Variants in ARFGEF1 observed in about 807,000 individuals in gnomAD.
The protein encoded by ARFGEF1 is brefeldin A-inhibited guanine nucleotide-exchange protein 1.
In ARFGEF1, 42 loss-of-function variants were observed where a neutral mutation model predicts 231.0. That is an observed-to-expected ratio of 0.18 (90% CI 0.14 to 0.24). The LOEUF (loss-of-function observed/expected upper bound fraction) is 0.24. Ranked by LOEUF, ARFGEF1 falls within the 10% of genes least tolerant of loss-of-function variation. The pLI is 1.00. For synonymous variants in ARFGEF1, 710 were observed against 732.3 expected (o/e 0.97, Z 0.49); for missense variants, 1,345 against 2,192.0 (o/e 0.61, Z 7.72).
At chr8:67,219,279 T>C (rs1277910681) in intron 30 of ARFGEF1, 152 bp downstream of exon 30, 38 of 867,810 alleles carry the variant, frequency 4.4e-5, no homozygotes, top group Middle Eastern at 3.7e-4. Flanking sequence ...TGTTCTTATT[T>C]ATAAAGACAT....
chr8:67,195,701 C>CCAT (rs1185226032), downstream of ARFGEF1: 10 of 781,244 alleles, frequency 1.3e-5, no homozygotes, highest in Non-Finnish European at 1.9e-5. Context: ...TACTTTTTTT[C>CCAT]CATCATCTGT....
intron 35 of ARFGEF1, among the ~76,000 whole-genome samples, chr8:67,203,913 C>T (rs1049300774): frequency 2.6e-5 from 4 of 152,194 alleles, no homozygotes; most frequent in Non-Finnish European, 5.9e-5. Context: ...ACTGTCTGGG[C>T]TTCTACCCCA....
rs1839882798 is a variant in ARFGEF1, at chr8:67,240,011, A to G, written c.2979+151T>C. The G allele has an allele frequency of 5.7e-6, 6 of 1,057,548 alleles. No individual in the cohort carries two copies. The East Asian group carries it at 1.7e-4, about 30-fold the overall frequency. The allele number at this position is 1,057,548 out of a possible 1,614,324, so 65.5% of individuals were successfully genotyped here. ...TACCCCTTCTATAACAGCTTCTCAG[A>G]AGCTTAAACATTAAGATTCATTTAA... On this transcript the variant is annotated intron_variant, in intron 20 of 38. Coordinates refer to ENST00000262215, the MANE Select transcript of ARFGEF1 (RefSeq NM_006421.5).
At chr8:67,342,299 G>A (rs567492158) in intron 1 of ARFGEF1, among the ~76,000 whole-genome samples, 1 of 152,124 alleles carries the variant, frequency 6.6e-6, no homozygotes, top group South Asian at 2.1e-4. Context: ...AACCTCATAG[G>A]TAGGAGGTAT....
In ARFGEF1 at chr8:67,343,355, A is replaced by T; in HGVS notation, c.-68T>A. The stretch of plus-strand genomic sequence containing the variant: ...CCAGCGGCTGGAGGGGAGGAGGAGG[A>T]GAGGAAGGAAGAGAAGAGAGAAAGG... On this transcript the variant is annotated 5_prime_UTR_variant, in exon 1 of 39. Transcript: ENST00000262215. The T allele has an allele frequency of 6.6e-7, 1 of 1,523,440 alleles. No individual in the cohort carries two copies. Among genetic ancestry groups the T allele is most frequent in the Non-Finnish European group, 8.9e-7 (1 of 1,127,730 alleles). 94.4% of individuals were successfully genotyped at this position (1,523,440 alleles called of 1,614,324 possible).
chr8:67,292,263 A>G (rs987122406), intron 5 of ARFGEF1, 140 bp from the exon 6 acceptor site: 10 of 721,982 alleles, frequency 1.4e-5, no homozygotes, highest in Non-Finnish European at 2.0e-5. Context: ...AATGGAGAAC[A>G]TAAACTATAC....
intron 34 of ARFGEF1, among the ~76,000 whole-genome samples, chr8:67,210,091 C>T (rs1838673748): frequency 7.0e-6 from 1 of 143,426 alleles, no homozygotes; most frequent in Non-Finnish European, 1.5e-5. Flanking sequence ...GGAGGTGGAG[C>T]TTGCCGTGAG....
At position 67,203,070 on chromosome 8, in the gene ARFGEF1, G is replaced by A. The variant is rs781295671; in HGVS notation, c.5128+13C>T. On this transcript the variant is annotated intron_variant, in intron 36 of 38. Transcript: ENST00000262215. ...CAACAGTAAACATTAAATGTGAGGC[G>A]TGTGCAGCTTACCTGCTTTCCACAG... 7.5e-6 allele frequency: 12 copies of A among 1,607,824 alleles called. No homozygotes were observed. Among genetic ancestry groups the A allele is most frequent in the South Asian group, 2.2e-5 (2 of 90,054 alleles).
At chr8:67,301,497 T>A (rs1324691680) in intron 2 of ARFGEF1, 117 bp from the exon 3 acceptor site, 8 of 1,108,104 alleles carry the variant, frequency 7.2e-6, no homozygotes, top group African/African-American at 1.6e-5. Flanking sequence ...CAGTCCTCTA[T>A]CTTCCCATAT....
intron 34 of ARFGEF1, among the ~76,000 whole-genome samples, chr8:67,209,868 T>C (rs996415093): frequency 1.3e-5 from 2 of 151,838 alleles, no homozygotes; most frequent in Non-Finnish European, 2.9e-5. Context: ...AGTAGGGTGC[T>C]CCTGCCGGGC....
In ARFGEF1 at chr8:67,240,420, T is replaced by C. The variant is rs933483322; in HGVS notation, c.2851-130A>G. ...TTGGCAGTTATCTAGAAAGCTTTCT[T>C]AAACAAAGGGGGAAAACTATATAAT... is the stretch of plus-strand genomic sequence containing the variant. On this transcript the variant is annotated intron_variant, in intron 19 of 38. Transcript: ENST00000262215. The C allele has an allele frequency of 1.3e-5, 11 of 873,758 alleles. No individual in the cohort carries two copies. In the Admixed American group the frequency reaches 3.4e-4, roughly 27 times the overall value. The allele number at this position is 873,758 out of a possible 1,614,324, so 54.1% of individuals were successfully genotyped here.
At chr8:67,300,306 A>G (rs1416925540) in intron 3 of ARFGEF1, among the ~76,000 whole-genome samples, 1 of 152,226 alleles carries the variant, frequency 6.6e-6, no homozygotes, top group Non-Finnish European at 1.5e-5. Flanking sequence ...AGTTGAATAC[A>G]TATAATTCCC....
intron 1 of ARFGEF1, among the ~76,000 whole-genome samples, chr8:67,334,090 C>G (rs1388256678): frequency 1.4e-5 from 2 of 148,066 alleles, no homozygotes; most frequent in Admixed American, 6.8e-5. Flanking sequence ...GAGCTGAGAT[C>G]GCACCACTGC....
intron 5 of ARFGEF1, among the ~76,000 whole-genome samples, chr8:67,186,753 T>A (rs747209777): frequency 6.6e-5 from 10 of 152,174 alleles, no homozygotes; most frequent in Non-Finnish European, 8.8e-5. Flanking sequence ...ACAGATGACA[T>A]GATTGTCTAT....
At chr8:67,204,520 A>G (rs1470334180) in intron 35 of ARFGEF1, among the ~76,000 whole-genome samples, 160 bp downstream of exon 35, 1 of 152,054 alleles carries the variant, frequency 6.6e-6, no homozygotes, top group Non-Finnish European at 1.5e-5. Flanking sequence ...GCTCTAGCTA[A>G]CCTTATTACC....
Position 67,244,558 on chromosome 8 carries a change from C to T in ARFGEF1, c.2851-4268G>A, listed in dbSNP as rs1355126659. On this transcript the variant is annotated intron_variant, in intron 19 of 38. Coordinates refer to ENST00000262215, the MANE Select transcript of ARFGEF1 (RefSeq NM_006421.5). ...CAAGTGATCTGCCCACTTCAGCCTCCTAAAGTGTTGGGATTACAGGCATAA... is the reference window on the plus strand; with the variant it reads ...CAAGTGATCTGCCCACTTCAGCCTCTTAAAGTGTTGGGATTACAGGCATAA... 2.7e-5 allele frequency among the ~76,000 whole-genome samples: 4 copies of T among 149,200 alleles called. 1 individual carries two copies. The highest frequency in any genetic ancestry group is 7.6e-5 in the African/African-American group (3 of 39,648).
chr8:67,261,059 G>A (rs1804601303), intron 14 of ARFGEF1, among the ~76,000 whole-genome samples: 2 of 152,218 alleles, frequency 1.3e-5, no homozygotes, highest in South Asian at 4.1e-4. Flanking sequence ...GCTAGCAGAG[G>A]TTGGATCATG....
At chr8:67,185,825 G>A (rs562711981) in intron 5 of ARFGEF1, among the ~76,000 whole-genome samples, 1 of 152,198 alleles carries the variant, frequency 6.6e-6, no homozygotes, top group East Asian at 1.9e-4. Flanking sequence ...AGCCAGAAAT[G>A]CATAAAAGTC....
At position 67,343,398 on chromosome 8, in the gene ARFGEF1, G is replaced by A. The variant is rs547493582; in HGVS notation, c.-111C>T. 3.2e-5 allele frequency: 45 copies of A among 1,410,186 alleles called. No individual in the cohort carries two copies. Among genetic ancestry groups the A allele is most frequent in the Admixed American group, 4.3e-5 (2 of 46,222 alleles). The allele number at this position is 1,410,186 out of a possible 1,614,324, so 87.4% of individuals were successfully genotyped here. Reference sequence around the variant, plus strand: ...GAGAAAGGAGAGGGGGTGGAGGTGGGGGATTGGAGGCGTGGAGGGCAGCGG... The same window carrying A: ...GAGAAAGGAGAGGGGGTGGAGGTGGAGGATTGGAGGCGTGGAGGGCAGCGG... On this transcript the variant is annotated 5_prime_UTR_variant, in exon 1 of 39. Transcript: ENST00000262215.
Sources: gnomAD v4.1 joint callset for allele counts (sites outside exome capture counted in the v4.1 genomes callset) on GRCh38, gnomAD v4.1.1 for gene constraint, MANE v1.5 for transcripts, NCBI Gene and HGNC (gene_info 2026-07-23, HGNC 2026-07-21) for gene names.